Variants in SNAP91 observed in about 807,000 individuals in gnomAD.
SNAP91 encodes the protein clathrin coat assembly protein AP180.
A neutral mutation model predicts 100.3 loss-of-function variants in SNAP91; 27 were observed. The ratio of observed to expected loss-of-function variants is 0.27; its 90% CI spans 0.20 to 0.37. SNAP91 has a LOEUF of 0.37. Ranked by LOEUF, SNAP91 falls within the 10% of genes least tolerant of loss-of-function variation. The pLI, the probability that SNAP91 is intolerant of heterozygous loss-of-function variation, is 1.00. For synonymous variants in SNAP91, 404 were observed against 398.6 expected, an observed-to-expected ratio of 1.01 and a Z score of -0.16; for missense variants, 986 against 1,123.7, an observed-to-expected ratio of 0.88 and a Z score of 1.75.
intron 13 of SNAP91, 106 bp from the exon 14 acceptor site, chr6:83,605,909 A>T: frequency 1.0e-6 from 1 of 974,214 alleles, no homozygotes; most frequent in Non-Finnish European, 1.5e-6. Context: ...GGTATTTTAA[A>T]TCCAATAAAA....
intron 6 of SNAP91, among the ~76,000 whole-genome samples, chr6:83,657,947 T>C (rs2098447626): frequency 6.7e-6 from 1 of 149,850 alleles, no homozygotes. Flanking sequence ...TTTTTTTTTT[T>C]TTTGGTATTT....
intron 22 of SNAP91, among the ~76,000 whole-genome samples, chr6:83,587,735 T>C (rs2092976150): frequency 6.6e-6 from 1 of 152,220 alleles, no homozygotes; most frequent in African/African-American, 2.4e-5. Flanking sequence ...TGTGGTTTTA[T>C]ATTGCGTTTA....
intron 2 of SNAP91, among the ~76,000 whole-genome samples, chr6:83,703,498 A>T (rs1156395634): frequency 6.6e-6 from 1 of 152,144 alleles, no homozygotes; most frequent in Non-Finnish European, 1.5e-5. Flanking sequence ...TTCTATTTTT[A>T]CTCACAAAAT....
intron 12 of SNAP91, among the ~76,000 whole-genome samples, chr6:83,609,454 G>A (rs1015732719): frequency 6.6e-6 from 1 of 152,132 alleles, no homozygotes; most frequent in African/African-American, 2.4e-5. Flanking sequence ...CAAGGTCCCT[G>A]AGGGGATCTT....
intron 22 of SNAP91, among the ~76,000 whole-genome samples, chr6:83,584,270 G>A (rs1832582116): frequency 6.6e-6 from 1 of 152,094 alleles, no homozygotes; most frequent in Non-Finnish European, 1.5e-5. Context: ...ACTTGGCCAT[G>A]GAAAGGACAA....
At chr6:83,583,837 T>C (rs1041929279) in intron 22 of SNAP91, among the ~76,000 whole-genome samples, 1 of 152,216 alleles carries the variant, frequency 6.6e-6, no homozygotes, top group Non-Finnish European at 1.5e-5. Context: ...GCAATGCTGT[T>C]TGAGTTATGT....
chr6:83,686,121 CT>C, intron 2 of SNAP91: 2 of 976,248 alleles, frequency 2.0e-6, no homozygotes, highest in Non-Finnish European at 2.4e-6. Context: ...ACATACTCTG[CT>C]TTTACCTCAG....
intron 26 of SNAP91, among the ~76,000 whole-genome samples, chr6:83,565,544 CTGTT>C (rs1396251299): frequency 2.0e-5 from 3 of 152,128 alleles, no homozygotes; most frequent in Admixed American, 1.3e-4. Flanking sequence ...CTAATAACTT[CTGTT>C]TGTTTTATTA....
intron 2 of SNAP91, among the ~76,000 whole-genome samples, chr6:83,675,827 A>AACACACACACACACACACAC (rs373927158): frequency 0.011 from 1,562 of 138,230 alleles, 12 homozygotes; most frequent in East Asian, 0.021. Flanking sequence ...CACTTGAAGG[A>AACACACACACACACACACAC]ACACACACAC....
chr6:83,682,480 T>C (rs2099003243), intron 2 of SNAP91, among the ~76,000 whole-genome samples: 1 of 152,136 alleles, frequency 6.6e-6, no homozygotes, highest in African/African-American at 2.4e-5. Context: ...GTGCTGGGAT[T>C]ATAGGCTTGA....
At chr6:83,692,577 A>T (rs1346637883) in intron 2 of SNAP91, among the ~76,000 whole-genome samples, 5 of 152,054 alleles carry the variant, frequency 3.3e-5, no homozygotes, top group Admixed American at 2.0e-4. Flanking sequence ...AAAAGAGGAG[A>T]TTGAGGTCTA....
intron 28 of SNAP91, among the ~76,000 whole-genome samples, chr6:83,556,752 A>G (rs1319002139): frequency 6.6e-6 from 1 of 152,264 alleles, no homozygotes; most frequent in Admixed American, 6.5e-5. Flanking sequence ...ATCTATTTAA[A>G]TGGCTTTTCC....
At chr6:83,557,788 G>T (rs1781007026) in intron 28 of SNAP91, among the ~76,000 whole-genome samples, 1 of 152,062 alleles carries the variant, frequency 6.6e-6, no homozygotes, top group Non-Finnish European at 1.5e-5. Flanking sequence ...TCAATTCAAA[G>T]ATTGGTCCAT....
At chr6:83,623,894 TTA>T (rs2128419559) in intron 8 of SNAP91, among the ~76,000 whole-genome samples, 1 of 152,200 alleles carries the variant, frequency 6.6e-6, no homozygotes, top group South Asian at 2.1e-4. Flanking sequence ...TATAATGAAC[TTA>T]TGTTTCACTA....
chr6:83,652,978 C>G (rs1313920663), intron 7 of SNAP91, among the ~76,000 whole-genome samples: 1 of 152,170 alleles, frequency 6.6e-6, no homozygotes, highest in Non-Finnish European at 1.5e-5. Context: ...TGCTCCTCCA[C>G]AGACAAGGTG....
intron 26 of SNAP91, among the ~76,000 whole-genome samples, chr6:83,568,453 C>T (rs185327798): frequency 1.7e-3 from 246 of 148,208 alleles, no homozygotes; most frequent in Non-Finnish European, 2.8e-3. Flanking sequence ...ATGTAAGAAA[C>T]CTGCACGTTG....
chr6:83,575,339 G>T (rs1196386997), intron 25 of SNAP91: 2 of 537,294 alleles, frequency 3.7e-6, no homozygotes, highest in South Asian at 4.6e-5. Flanking sequence ...TTAGAGTTTG[G>T]ACCTCAATAA....
chr6:83,695,046 C>T (rs1021737832), intron 2 of SNAP91, among the ~76,000 whole-genome samples: 3 of 151,704 alleles, frequency 2.0e-5, no homozygotes, highest in East Asian at 1.9e-4. Flanking sequence ...CCGAGGTGGG[C>T]GGATCACTTG....
intron 2 of SNAP91, among the ~76,000 whole-genome samples, chr6:83,703,707 C>G (rs547464600): frequency 1.3e-5 from 2 of 152,220 alleles, no homozygotes; most frequent in East Asian, 1.9e-4. Flanking sequence ...TAGTATCTCT[C>G]AAACATCAGA....
Sources: allele counts gnomAD v4.1 joint callset (sites outside exome capture counted in the v4.1 genomes callset), GRCh38; gene constraint gnomAD v4.1.1; transcripts MANE v1.5; gene names NCBI Gene and HGNC (gene_info 2026-07-23, HGNC 2026-07-21).